The following CTNNA3 variants were observed in gnomAD, a reference collection of about 807,000 sequenced individuals.
CTNNA3 encodes catenin alpha-3.
CTNNA3 carries 76 observed loss-of-function variants against 95.7 expected under a neutral mutation model. That is an observed-to-expected ratio of 0.79 (90% CI 0.66 to 0.96). CTNNA3 has a LOEUF of 0.96. Ranked by LOEUF, CTNNA3 falls within the 40% of genes least tolerant of loss-of-function variation. The pLI is 0.00. For synonymous variants in CTNNA3, 431 were observed against 374.4 expected (o/e 1.15, Z -1.74); for missense variants, 1,191 against 1,089.8 (o/e 1.09, Z -1.31).
At chr10:66,969,010 C>G (rs1249875905) in intron 7 of CTNNA3, among the ~76,000 whole-genome samples, 1 of 151,638 alleles carries the variant, frequency 6.6e-6, no homozygotes, top group Non-Finnish European at 1.5e-5. Flanking sequence ...GAATGAGACT[C>G]CATCTCAAAA....
At chr10:66,893,956 T>C (rs1264196433) in intron 7 of CTNNA3, among the ~76,000 whole-genome samples, 1 of 152,122 alleles carries the variant, frequency 6.6e-6, no homozygotes, top group Non-Finnish European at 1.5e-5. Flanking sequence ...CAATAGGTGT[T>C]TAATATATGT....
chr10:67,304,524 C>T (rs1178772576), intron 5 of CTNNA3, among the ~76,000 whole-genome samples: 1 of 152,104 alleles, frequency 6.6e-6, no homozygotes, highest in Non-Finnish European at 1.5e-5. Flanking sequence ...ATGTGTCCCT[C>T]AAATGTGTCC....
At chr10:66,875,637 T>G (rs1844588107) in intron 7 of CTNNA3, among the ~76,000 whole-genome samples, 1 of 132,286 alleles carries the variant, frequency 7.6e-6, no homozygotes, top group Non-Finnish European at 1.7e-5. Context: ...ATAAAAAGCT[T>G]TAAAATAAAA....
At chr10:67,673,677 A>T (rs2133555453) in intron 1 of CTNNA3, among the ~76,000 whole-genome samples, 1 of 149,850 alleles carries the variant, frequency 6.7e-6, no homozygotes, top group Admixed American at 6.6e-5. Flanking sequence ...TGATTTGCGT[A>T]TGTTGAACCA....
At chr10:66,269,796 G>C (rs1340044442) in intron 13 of CTNNA3, among the ~76,000 whole-genome samples, 1 of 152,074 alleles carries the variant, frequency 6.6e-6, no homozygotes, top group Non-Finnish European at 1.5e-5. Context: ...TCTCATCCGG[G>C]CTGTTCTACA....
At chr10:66,019,510 A>G (rs2133418960) in intron 15 of CTNNA3, among the ~76,000 whole-genome samples, 1 of 152,156 alleles carries the variant, frequency 6.6e-6, no homozygotes, top group East Asian at 1.9e-4. Context: ...TTTTGCCTAT[A>G]TTTGTATAAT....
chr10:67,179,487 A>G (rs1460609981), intron 7 of CTNNA3, among the ~76,000 whole-genome samples: 2 of 137,642 alleles, frequency 1.5e-5, no homozygotes, highest in East Asian at 2.0e-4. Context: ...TCTGATAGCT[A>G]AAACTTCAAA....
At chr10:66,521,165 C>T (rs962145886) in intron 10 of CTNNA3, among the ~76,000 whole-genome samples, 7 of 151,148 alleles carry the variant, frequency 4.6e-5, no homozygotes, top group East Asian at 1.9e-4. Flanking sequence ...AAGTACAAAA[C>T]GTTTTATATT....
At chr10:66,518,075 C>T (rs550592877) in intron 11 of CTNNA3, among the ~76,000 whole-genome samples, 3 of 152,214 alleles carry the variant, frequency 2.0e-5, no homozygotes, top group South Asian at 4.1e-4. Flanking sequence ...GTATATCAAA[C>T]ATCTAGGTAT....
intron 10 of CTNNA3, among the ~76,000 whole-genome samples, chr10:66,522,064 T>C (rs1841086239): frequency 2.0e-5 from 3 of 152,172 alleles, no homozygotes; most frequent in East Asian, 1.9e-4. Context: ...CTATTAATCA[T>C]TGGTTTCCTT....
At chr10:67,153,849 A>T (rs1262390348) in intron 7 of CTNNA3, among the ~76,000 whole-genome samples, 1 of 152,116 alleles carries the variant, frequency 6.6e-6, no homozygotes, top group Non-Finnish European at 1.5e-5. Context: ...TCATAGGTAC[A>T]CTATTTAAAA....
At chr10:66,345,433 T>C (rs922889768) in intron 12 of CTNNA3, among the ~76,000 whole-genome samples, 4 of 152,154 alleles carry the variant, frequency 2.6e-5, no homozygotes, top group African/African-American at 4.8e-5. Context: ...GAATGGCTGA[T>C]GGACTCTGCT....
At chr10:67,690,706 CT>C (rs746576158) in intron 1 of CTNNA3, among the ~76,000 whole-genome samples, 1 of 152,214 alleles carries the variant, frequency 6.6e-6, no homozygotes, top group Non-Finnish European at 1.5e-5. Flanking sequence ...ACCCTGAAGC[CT>C]AGCCAGCTTC....
chr10:67,496,324 C>T (rs941935371), intron 5 of CTNNA3, among the ~76,000 whole-genome samples: 4 of 152,068 alleles, frequency 2.6e-5, no homozygotes, highest in Non-Finnish European at 4.4e-5. Flanking sequence ...CTTATGTTTA[C>T]GGTTAGGAGA....
chr10:67,121,715 G>C (rs1306860674), intron 7 of CTNNA3, among the ~76,000 whole-genome samples: 1 of 151,738 alleles, frequency 6.6e-6, no homozygotes, highest in East Asian at 1.9e-4. Context: ...AAATAAACAG[G>C]CAAGTGCTAA....
At chr10:66,449,192 A>G (rs1291394843) in intron 11 of CTNNA3, among the ~76,000 whole-genome samples, 6 of 152,122 alleles carry the variant, frequency 3.9e-5, no homozygotes, top group Admixed American at 3.9e-4. Context: ...AGGGACATAA[A>G]TTACAAAGTA....
chr10:66,241,563 C>T (rs1589826869), intron 13 of CTNNA3, among the ~76,000 whole-genome samples: 1 of 151,960 alleles, frequency 6.6e-6, no homozygotes, highest in African/African-American at 2.4e-5. Flanking sequence ...AATCAAAAGC[C>T]ATTAGATTCA....
chr10:67,279,637 T>A (rs1157453324), intron 5 of CTNNA3, among the ~76,000 whole-genome samples: 2 of 141,586 alleles, frequency 1.4e-5, no homozygotes, highest in Admixed American at 6.9e-5. Flanking sequence ...TAACCTTTTA[T>A]CTGTAGCTAT....
intron 13 of CTNNA3, among the ~76,000 whole-genome samples, chr10:66,130,864 C>CAAAAAAAAAA (rs1209953818): frequency 7.2e-5 from 6 of 83,224 alleles, no homozygotes; most frequent in Non-Finnish European, 8.4e-5. Context: ...CAAAAACAAA[C>CAAAAAAAAAA]AAAAAAAAAA....
Sources: gnomAD v4.1 joint callset for allele counts (sites outside exome capture counted in the v4.1 genomes callset) on GRCh38, gnomAD v4.1.1 for gene constraint, MANE v1.5 for transcripts, NCBI Gene and HGNC (gene_info 2026-07-23, HGNC 2026-07-21) for gene names.